QTMAN: variants seen among roughly 807,000 people sequenced by gnomAD.
The protein encoded by QTMAN is tRNA-queuosine alpha-mannosyltransferase.
At chr2:144,039,194 T>C in the QTMAN span, among the ~76,000 whole-genome samples, 1 of 152,192 alleles carries the variant, frequency 6.6e-6, no homozygotes, top group Non-Finnish European at 1.5e-5. Flanking sequence ...TTTGACAGGC[T>C]CACTTACTGC....
At chr2:144,187,115 GATT>G in the QTMAN span, among the ~76,000 whole-genome samples, 4 of 152,182 alleles carry the variant, frequency 2.6e-5, no homozygotes, top group East Asian at 7.7e-4. Flanking sequence ...TCATCTACGT[GATT>G]ATTGTCAAGT....
the QTMAN span, among the ~76,000 whole-genome samples, chr2:144,214,896 C>A: frequency 6.6e-6 from 1 of 152,048 alleles, no homozygotes; most frequent in African/African-American, 2.4e-5. Flanking sequence ...ATTTAATTTT[C>A]CCTAAAAAAC....
chr2:144,320,893 A>G, the QTMAN span, among the ~76,000 whole-genome samples: 2 of 152,140 alleles, frequency 1.3e-5, no homozygotes, highest in Admixed American at 1.3e-4. Flanking sequence ...TTGCCCCTGA[A>G]GTTCATCACT....
At chr2:144,281,494 A>C in the QTMAN span, among the ~76,000 whole-genome samples, 1 of 151,990 alleles carries the variant, frequency 6.6e-6, no homozygotes, top group African/African-American at 2.4e-5. Context: ...ATATAGCCCT[A>C]AAATTTCACT....
the QTMAN span, among the ~76,000 whole-genome samples, chr2:144,032,475 A>T: frequency 6.6e-6 from 1 of 152,256 alleles, no homozygotes; most frequent in South Asian, 2.1e-4. Context: ...AGATTTGCTC[A>T]AAAGAAAGAG....
At chr2:144,120,802 A>G in the QTMAN span, among the ~76,000 whole-genome samples, 1 of 151,742 alleles carries the variant, frequency 6.6e-6, no homozygotes, top group Non-Finnish European at 1.5e-5. Context: ...GCCTAAACCG[A>G]AAACAAAACA....
the QTMAN span, among the ~76,000 whole-genome samples, chr2:144,234,491 G>A: frequency 1.3e-5 from 2 of 152,092 alleles, 1 homozygote; most frequent in African/African-American, 4.8e-5. Flanking sequence ...TCCCATGCTG[G>A]CATATTTTAC....
chr2:143,941,544 G>A, the QTMAN span: 1 of 152,060 alleles, frequency 6.6e-6, no homozygotes, highest in South Asian at 2.1e-4. Flanking sequence ...GCGTGGTGGT[G>A]GGCACCTGTA....
the QTMAN span, among the ~76,000 whole-genome samples, chr2:144,223,616 T>C: frequency 6.6e-6 from 1 of 152,208 alleles, no homozygotes; most frequent in African/African-American, 2.4e-5. Context: ...ATAACAATAT[T>C]GATTTGATAA....
chr2:144,241,162 A>T, the QTMAN span, among the ~76,000 whole-genome samples: 1 of 152,194 alleles, frequency 6.6e-6, no homozygotes, highest in East Asian at 1.9e-4. Context: ...AACAGGAAAC[A>T]TGTTTGAAAT....
At chr2:143,944,730 C>T in the QTMAN span, 3 of 152,438 alleles carry the variant, frequency 2.0e-5, no homozygotes, top group Admixed American at 2.0e-4. Context: ...AGGCGTGCGC[C>T]ACCGCACCCG....
At chr2:144,193,986 A>G in the QTMAN span, among the ~76,000 whole-genome samples, 1 of 152,190 alleles carries the variant, frequency 6.6e-6, no homozygotes, top group Admixed American at 6.6e-5. Context: ...CTGAGGAATA[A>G]AAGAAGTACA....
chr2:144,165,889 A>C, the QTMAN span, among the ~76,000 whole-genome samples: 22,773 of 152,028 alleles, frequency 0.15, 4,369 homozygotes, highest in African/African-American at 0.45. Context: ...TTATTCATAA[A>C]CTTTTACATA....
the QTMAN span, among the ~76,000 whole-genome samples, chr2:144,045,900 A>C: frequency 6.6e-6 from 1 of 152,230 alleles, no homozygotes; most frequent in Non-Finnish European, 1.5e-5. Context: ...AATTGAAGAG[A>C]GAGCCAAATG....
the QTMAN span, among the ~76,000 whole-genome samples, chr2:144,027,661 C>G: frequency 6.6e-6 from 1 of 152,182 alleles, no homozygotes; most frequent in Admixed American, 6.5e-5. Flanking sequence ...TACACATTTG[C>G]TTCTAAACTT....
chr2:144,020,342 G>A, the QTMAN span, among the ~76,000 whole-genome samples: 7 of 152,154 alleles, frequency 4.6e-5, no homozygotes, highest in East Asian at 1.9e-4. Flanking sequence ...ACACACAGGC[G>A]GCTGAATATT....
chr2:143,967,881 T>C, the QTMAN span, among the ~76,000 whole-genome samples: 1 of 152,042 alleles, frequency 6.6e-6, no homozygotes, highest in African/African-American at 2.4e-5. Context: ...AAAATGGAGG[T>C]AGCAATACTG....
the QTMAN span, among the ~76,000 whole-genome samples, chr2:144,134,182 T>C: frequency 2.0e-5 from 3 of 152,144 alleles, no homozygotes; most frequent in African/African-American, 4.8e-5. Flanking sequence ...TGCTTTGCAA[T>C]GTAAAATAGT....
At chr2:144,305,205 GTTTTC>G in the QTMAN span, among the ~76,000 whole-genome samples, 44 of 152,024 alleles carry the variant, frequency 2.9e-4, no homozygotes, top group Non-Finnish European at 4.6e-4. Context: ...TTACTCTTAT[GTTTTC>G]TTTTAAGAGT....
Sources: gnomAD v4.1 joint callset for allele counts (sites outside exome capture counted in the v4.1 genomes callset) on GRCh38, gnomAD v4.1.1 for gene constraint, MANE v1.5 for transcripts, NCBI Gene and HGNC (gene_info 2026-07-23, HGNC 2026-07-21) for gene names.